Variants in EHD2 observed in about 807,000 individuals in gnomAD.
EHD2 encodes the protein EH domain containing 2, also known as EH domain-containing protein 2.
EHD2 carries 27 observed loss-of-function variants against 41.0 expected under a neutral mutation model. The observed-to-expected ratio is 0.66, with a 90% CI of 0.49 to 0.91. The LOEUF (loss-of-function observed/expected upper bound fraction) is 0.91, where lower values mean the gene tolerates loss of function less well. EHD2 is among the 40% of genes least tolerant of loss of function. EHD2 has a pLI of 0.00. For missense variants in EHD2, 673 were observed against 773.9 expected (o/e 0.87, Z 1.55); for synonymous variants, 342 against 341.0 (o/e 1.00, Z -0.03).
Position 47,719,145 on chromosome 19 carries a change from G to A in EHD2, c.502+539G>A, listed in dbSNP as rs1973668202. On this transcript the variant is annotated intron_variant, in intron 3 of 5. Transcript: ENST00000263277. This position sits in a 1 kb window ranked among gnomAD's most constrained non-coding sequence, Gnocchi z 4.1. ...GTGTGTGGGTGACCACGTGGTGGGAGCGGGCAGGAGCCGCACGTCTGGGCA... is the reference window on the plus strand; with the variant it reads ...GTGTGTGGGTGACCACGTGGTGGGAACGGGCAGGAGCCGCACGTCTGGGCA... Among the ~76,000 whole-genome samples the A allele has an allele frequency of 6.6e-6, 1 of 152,284 alleles. No individual in the cohort carries two copies. The highest frequency in any genetic ancestry group is 1.5e-5 in the Non-Finnish European group (1 of 68,010).
In EHD2 at chr19:47,716,786, G is replaced by A; in HGVS notation, c.174G>A (p.Lys58=). The A allele has an allele frequency of 6.2e-7, 1 of 1,612,068 alleles. No individual in the cohort carries two copies. Among genetic ancestry groups the A allele is most frequent in the East Asian group, 2.2e-5 (1 of 44,866 alleles). ...PALEDADFDG[K]PMVLVAGQYS... is the part of the protein sequence containing the mutation. ...TGGAGGACGCAGACTTCGACGGCAA[G>A]CCCATGGTGCTGGTGGCCGGCCAGT... Residue 58 remains lysine, a synonymous_variant, in exon 2 of 6, where the codon AAG becomes AAA. Transcript: ENST00000263277.
At chr19:47,724,312 G>C (rs2334289) in intron 3 of EHD2, among the ~76,000 whole-genome samples, 25,864 of 150,516 alleles carry the variant, frequency 0.17, 2,577 homozygotes, top group African/African-American at 0.27. Flanking sequence ...GCCCACTTCA[G>C]CCTCCCAAAG....
intron 2 of EHD2, among the ~76,000 whole-genome samples, chr19:47,717,986 C>T (rs1973648129): frequency 6.7e-6 from 1 of 150,040 alleles, no homozygotes; most frequent in Non-Finnish European, 1.5e-5. Context: ...GGAATAGCAC[C>T]TGGTGGCCGG....
chr19:47,726,726 G>A (rs911252069), intron 4 of EHD2, among the ~76,000 whole-genome samples: 2 of 151,954 alleles, frequency 1.3e-5, no homozygotes, highest in African/African-American at 2.4e-5. Flanking sequence ...GCCCTGGCTG[G>A]AATGCAATGA....
Position 47,716,691 on chromosome 19 carries a change from G to A in EHD2, c.79G>A (p.Glu27Lys). 1.9e-6 allele frequency: 3 copies of A among 1,611,346 alleles called. No individual in the cohort carries two copies. The highest frequency in any genetic ancestry group is 1.1e-5 in the South Asian group (1 of 90,836). ...CCGCACGGTGACCTCGGCCCTCAAG[G>A]AGCTGTACCGCACGAAGCTGCTGCC... ...AIRTVTSALK[E>K]LYRTKLLPLE... Residue 27 changes from glutamate to lysine, a missense_variant, in exon 2 of 6, where the codon GAG (glutamate) becomes AAG (lysine). Coordinates refer to ENST00000263277, the MANE Select transcript of EHD2 (RefSeq NM_014601.4).
At chr19:47,720,834 GTGT>G (rs1261897030) in intron 3 of EHD2, among the ~76,000 whole-genome samples, 1 of 151,982 alleles carries the variant, frequency 6.6e-6, no homozygotes, top group Non-Finnish European at 1.5e-5. Context: ...CTTCTGTGTG[GTGT>G]TGTGTATGTG....
chr19:47,733,968 A>G (rs951105452), intron 4 of EHD2, among the ~76,000 whole-genome samples: 1 of 152,132 alleles, frequency 6.6e-6, no homozygotes, highest in African/African-American at 2.4e-5. Context: ...TTGAACTTCA[A>G]TAAGCAAATA....
chr19:47,734,560 T>C (rs1966902028), intron 4 of EHD2, among the ~76,000 whole-genome samples: 1 of 151,802 alleles, frequency 6.6e-6, no homozygotes, highest in Non-Finnish European at 1.5e-5. Context: ...GAGACCAGCC[T>C]GGCCAACATG....
Position 47,743,030 on chromosome 19 carries a change from C to T in EHD2, c.*1598C>T, listed in dbSNP as rs1205045218. On this transcript the variant is annotated 3_prime_UTR_variant, in exon 6 of 6. Coordinates refer to ENST00000263277, the MANE Select transcript of EHD2 (RefSeq NM_014601.4). ...GAGACGACGCACCCTCCAGGATGCT[C>T]GCTGGGATTCCCACGCCCACCACTG... The T allele has an allele frequency of 6.6e-6, 1 of 152,570 alleles. No homozygotes were observed. The highest frequency in any genetic ancestry group is 1.9e-4 in the East Asian group (1 of 5,176). The allele number at this position is 152,570 out of a possible 1,614,324, so 9.5% of individuals were successfully genotyped here.
chr19:47,721,673 A>C (rs1973698531), intron 3 of EHD2, among the ~76,000 whole-genome samples: 1 of 151,642 alleles, frequency 6.6e-6, no homozygotes, highest in South Asian at 2.1e-4. Context: ...TCTTTGCCTC[A>C]GTTTTCTTAC....
intron 3 of EHD2, 85 bp downstream of exon 3, chr19:47,718,691 G>T: frequency 7.9e-7 from 1 of 1,262,576 alleles, no homozygotes. Context: ...ACTGGGCCCG[G>T]ACTCCTGGGT....
At chr19:47,715,828 C>T (rs1207881165) in intron 1 of EHD2, among the ~76,000 whole-genome samples, 2 of 152,026 alleles carry the variant, frequency 1.3e-5, no homozygotes, top group African/African-American at 2.4e-5. Flanking sequence ...AGTGCAGTGG[C>T]GGGATCTCGG....
chr19:47,734,283 C>T lies in EHD2; in HGVS notation c.916-2086C>T, dbSNP rs575982091. 1.1e-4 allele frequency among the ~76,000 whole-genome samples: 16 copies of T among 151,320 alleles called. No individual in the cohort carries two copies. In the East Asian group the frequency reaches 2.6e-3, roughly 24 times the overall value. ...TGGGAAGGTGGAGGTTGCACTGAGC[C>T]GAGATTGTGCCACTGCACTCCAGCC... On this transcript the variant is annotated intron_variant, in intron 4 of 5. Coordinates refer to ENST00000263277, the MANE Select transcript of EHD2 (RefSeq NM_014601.4).
chr19:47,714,283 C>T (rs1973602790), intron 1 of EHD2, among the ~76,000 whole-genome samples: 2 of 152,128 alleles, frequency 1.3e-5, no homozygotes, highest in South Asian at 2.1e-4. Flanking sequence ...TTCCCTGCCC[C>T]CGCCCTGGAA....
intron 5 of EHD2, among the ~76,000 whole-genome samples, chr19:47,737,064 T>C (rs1434408635): frequency 2.0e-5 from 3 of 151,908 alleles, no homozygotes; most frequent in African/African-American, 4.8e-5. Context: ...ACCCCGTCTC[T>C]ACTAAAAATA....
At chr19:47,737,218 C>T (rs1213769686) in intron 5 of EHD2, among the ~76,000 whole-genome samples, 2 of 121,820 alleles carry the variant, frequency 1.6e-5, no homozygotes, top group East Asian at 4.6e-4. Context: ...GCAAAAAGAG[C>T]GAGACTCCGT....
intron 4 of EHD2, among the ~76,000 whole-genome samples, chr19:47,729,460 C>T (rs55839953): frequency 0.049 from 7,393 of 152,078 alleles, 356 homozygotes; most frequent in African/African-American, 0.13. Context: ...GCCTGGAGAC[C>T]AGGCAAAAGG....
intron 3 of EHD2, among the ~76,000 whole-genome samples, chr19:47,723,652 T>G (rs1973720085): frequency 1.9e-5 from 1 of 52,732 alleles, no homozygotes; most frequent in Non-Finnish European, 3.3e-5. Context: ...AGACTCCGTC[T>G]GAAAAAAAAA....
rs116312342 is a variant in EHD2, at chr19:47,736,556, A to G, written c.1080+23A>G. 6,167 of 1,560,732 alleles carry G rather than the reference A, an allele frequency of 4.0e-3. 224 individuals carry two copies. The African/African-American group carries it at 0.071, about 18-fold the overall frequency. On this transcript the variant is annotated intron_variant, in intron 5 of 5. Transcript: ENST00000263277. ...CAGGTGGGAAGCTGCCCAGGAGGGAATGTTGGGGGTGGGTGATGGGAAGGT... is the reference window on the plus strand; with the variant it reads ...CAGGTGGGAAGCTGCCCAGGAGGGAGTGTTGGGGGTGGGTGATGGGAAGGT...
Sources: gnomAD v4.1 joint callset for allele counts (sites outside exome capture counted in the v4.1 genomes callset) on GRCh38, gnomAD v4.1.1 for gene constraint, Gnocchi (gnomAD v3.1) non-coding constraint, MANE v1.5 for transcripts, NCBI Gene and HGNC (gene_info 2026-07-23, HGNC 2026-07-21) for gene names.